B4GALT1: variants seen among roughly 807,000 people sequenced by gnomAD.
B4GALT1 encodes N-acetyllactosamine synthase.
B4GALT1 carries 16 observed loss-of-function variants against 34.9 expected under a neutral mutation model. The ratio of observed to expected loss-of-function variants is 0.46; its 90% CI spans 0.31 to 0.70. B4GALT1 has a LOEUF of 0.70. Ranked by LOEUF, B4GALT1 falls within the 30% of genes least tolerant of loss-of-function variation. The pLI, the probability that B4GALT1 is intolerant of heterozygous loss-of-function variation, is 0.05. For synonymous variants in B4GALT1, 221 were observed against 218.1 expected (o/e 1.01, Z -0.12); for missense variants, 445 against 530.5 (o/e 0.84, Z 1.58).
At chr9:33,171,027 G>A (rs999328056), upstream of B4GALT1, among the ~76,000 whole-genome samples, 2 of 152,152 alleles carry the variant, frequency 1.3e-5, no homozygotes, top group African/African-American at 4.8e-5. Flanking sequence ...CTCCTATGGC[G>A]CCCTCTTCTG....
intron 3 of B4GALT1, among the ~76,000 whole-genome samples, chr9:33,116,933 C>T (rs1292798166): frequency 1.3e-5 from 2 of 152,140 alleles, no homozygotes; most frequent in Non-Finnish European, 2.9e-5. Context: ...ACACAGATAT[C>T]AAAAAGTATG....
At chr9:33,165,913 T>C (rs772670869) in intron 1 of B4GALT1, among the ~76,000 whole-genome samples, 3 of 152,180 alleles carry the variant, frequency 2.0e-5, no homozygotes, top group South Asian at 4.1e-4. Flanking sequence ...GGCAAGATAA[T>C]TGAGACTCAG....
intron 1 of B4GALT1, among the ~76,000 whole-genome samples, chr9:33,149,211 A>C (rs1267280619): frequency 3.9e-5 from 6 of 152,034 alleles, no homozygotes; most frequent in Non-Finnish European, 7.4e-5. Flanking sequence ...AAAAAAAAAA[A>C]AGTGGATGAA....
intron 1 of B4GALT1, among the ~76,000 whole-genome samples, chr9:33,140,468 T>C (rs1046307766): frequency 2.1e-5 from 3 of 142,256 alleles, no homozygotes; most frequent in Non-Finnish European, 1.5e-5. Flanking sequence ...TAGATTTTCA[T>C]GCTGGACTGA....
the B4GALT1 span, chr9:33,178,979 C>T: frequency 6.6e-6 from 1 of 152,194 alleles, no homozygotes; most frequent in Non-Finnish European, 1.5e-5. Context: ...GCATGTGTCT[C>T]TATTTCTTCT....
At chr9:33,114,872 T>C (rs1839917054) in intron 4 of B4GALT1, among the ~76,000 whole-genome samples, 1 of 152,238 alleles carries the variant, frequency 6.6e-6, no homozygotes, top group Non-Finnish European at 1.5e-5. Flanking sequence ...CTAGTGCCAC[T>C]GCGTTAGCAT....
At chr9:33,154,044 AG>A in intron 1 of B4GALT1, among the ~76,000 whole-genome samples, 1 of 22,918 alleles carries the variant, frequency 4.4e-5, no homozygotes, top group Non-Finnish European at 8.6e-5. Context: ...GGAGGGAGGG[AG>A]GGAGGGAGGG....
In B4GALT1 at chr9:33,122,195, G is replaced by A. The variant is rs1000738399; in HGVS notation, c.649-1589C>T. On this transcript the variant is annotated intron_variant, in intron 2 of 5. Coordinates refer to ENST00000379731, the MANE Select transcript of B4GALT1 (RefSeq NM_001497.4). ...GACTGGTACACAATCTCAAAAGTGG[G>A]ATGCTCAAAGTCTTCTCTCCATGCC... Among the ~76,000 whole-genome samples the A allele has an allele frequency of 1.3e-5, 2 of 152,152 alleles. 1 individual carries two copies. Among genetic ancestry groups the A allele is most frequent in the Non-Finnish European group, 2.9e-5 (2 of 68,040 alleles).
At chr9:33,104,148 C>A (rs1423486960) in exon 3 of B4GALT1, 1 of 152,232 alleles carries the variant, frequency 6.6e-6, no homozygotes, top group Non-Finnish European at 1.5e-5. Flanking sequence ...CTCGCCAGTA[C>A]CAAGTCCTGT....
chr9:33,137,594 T>C (rs1277458431), intron 1 of B4GALT1, among the ~76,000 whole-genome samples: 2 of 152,246 alleles, frequency 1.3e-5, no homozygotes, highest in African/African-American at 4.8e-5. Flanking sequence ...CCCAAACCTA[T>C]CACAAGAATT....
At chr9:33,183,599 A>G in the B4GALT1 span, among the ~76,000 whole-genome samples, 37 of 125,642 alleles carry the variant, frequency 2.9e-4, no homozygotes, top group African/African-American at 1.1e-3. Context: ...TCACATGGAT[A>G]CAGGAAGGGG....
At chr9:33,183,582 A>T in the B4GALT1 span, among the ~76,000 whole-genome samples, 1 of 133,356 alleles carries the variant, frequency 7.5e-6, no homozygotes, top group Non-Finnish European at 1.6e-5. Context: ...GGAATTGAAC[A>T]ATGAGATCAC....
At chr9:33,144,637 A>G (rs1165630763) in intron 1 of B4GALT1, among the ~76,000 whole-genome samples, 1 of 152,158 alleles carries the variant, frequency 6.6e-6, no homozygotes, top group Non-Finnish European at 1.5e-5. Context: ...TAAAGCAACC[A>G]TTTTTTGGAG....
chr9:33,167,569 C>T (rs1409752141), upstream of B4GALT1, among the ~76,000 whole-genome samples: 1 of 152,246 alleles, frequency 6.6e-6, no homozygotes, highest in Non-Finnish European at 1.5e-5. Context: ...CGCCCTCTTC[C>T]TCCCGAGCCT....
chr9:33,169,961 C>T (rs1368390053), upstream of B4GALT1, among the ~76,000 whole-genome samples: 1 of 148,656 alleles, frequency 6.7e-6, no homozygotes, highest in Non-Finnish European at 1.5e-5. Flanking sequence ...GTATCTTCAG[C>T]CCCTAGATTT....
chr9:33,119,635 G>A (rs200701271), intron 3 of B4GALT1, among the ~76,000 whole-genome samples: 4 of 152,206 alleles, frequency 2.6e-5, no homozygotes, highest in Admixed American at 1.3e-4. Context: ...AGGATGGATT[G>A]AGCCCAGGCA....
In B4GALT1 at chr9:33,111,269, A is replaced by AAAAAAAAAAAAAAAAAAAAC. The variant is rs1564033722; in HGVS notation, c.*2184_*2185insGTTTTTTTTTTTTTTTTTTT. 6.9e-6 allele frequency: 1 copy of AAAAAAAAAAAAAAAAAAAAC among 144,694 alleles called. No homozygotes were observed. The highest frequency in any genetic ancestry group is 2.6e-5 in the African/African-American group (1 of 38,322). The allele number at this position is 144,694 out of a possible 1,614,324, so 9.0% of individuals were successfully genotyped here. A position where few individuals can be genotyped will look rare whatever the true frequency, so the allele number is the denominator to read the frequency against. ...GGTAACCAAAAAAAAAAAAAAAAAA[A>AAAAAAAAAAAAAAAAAAAAC]AAAAAAAAACAACAAGAAAAGGTAG... On this transcript the variant is annotated 3_prime_UTR_variant, in exon 6 of 6. Coordinates refer to ENST00000379731, the MANE Select transcript of B4GALT1 (RefSeq NM_001497.4).
intron 5 of B4GALT1, 26 bp from the exon 6 acceptor site, chr9:33,113,612 T>C (rs1839896432): frequency 1.9e-6 from 3 of 1,614,048 alleles, no homozygotes; most frequent in Non-Finnish European, 1.7e-6. Context: ...CACAAGGAGA[T>C]TGTCTTAAAA....
chr9:33,118,450 C>T (rs1056893913), intron 3 of B4GALT1, among the ~76,000 whole-genome samples: 4 of 151,938 alleles, frequency 2.6e-5, no homozygotes, highest in Admixed American at 2.0e-4. Flanking sequence ...GCTTGAGCCC[C>T]CAGGAGTTCA....
Sources: gnomAD v4.1 joint callset for allele counts (sites outside exome capture counted in the v4.1 genomes callset) on GRCh38, gnomAD v4.1.1 for gene constraint, MANE v1.5 for transcripts, NCBI Gene and HGNC (gene_info 2026-07-23, HGNC 2026-07-21) for gene names.